Variants in NFATC2 observed in about 807,000 individuals in gnomAD.
NFATC2 encodes nuclear factor of activated T-cells, cytoplasmic 2.
A neutral mutation model predicts 87.3 loss-of-function variants in NFATC2; 22 were observed. That is an observed-to-expected ratio of 0.25 (90% confidence interval 0.18 to 0.36). The LOEUF (loss-of-function observed/expected upper bound fraction) is 0.36. Ranked by LOEUF, NFATC2 falls within the 10% of genes least tolerant of loss-of-function variation. The pLI, the probability that NFATC2 is intolerant of heterozygous loss-of-function variation, is 1.00. For synonymous variants in NFATC2, 565 were observed against 542.2 expected, an observed-to-expected ratio of 1.04 and a Z score of -0.58; for missense variants, 1,149 against 1,259.1, an observed-to-expected ratio of 0.91 and a Z score of 1.32.
chr20:51,402,405 C>A (rs1322259078), intron 9 of NFATC2, among the ~76,000 whole-genome samples: 2 of 151,978 alleles, frequency 1.3e-5, no homozygotes, highest in Non-Finnish European at 2.9e-5. Flanking sequence ...AGTTCATCAC[C>A]ACCTCGGCCC....
intron 6 of NFATC2, among the ~76,000 whole-genome samples, chr20:51,446,822 CG>C (rs1481409791): frequency 6.6e-6 from 1 of 152,174 alleles, no homozygotes; most frequent in African/African-American, 2.4e-5. Context: ...GGCTCCAGCC[CG>C]GGGGGCCACT....
chr20:51,424,565 G>A (rs1464844180), intron 9 of NFATC2, among the ~76,000 whole-genome samples: 1 of 152,122 alleles, frequency 6.6e-6, no homozygotes, highest in East Asian at 1.9e-4. Context: ...TACAAAAGAG[G>A]GCAGTGATGA....
chr20:51,401,054 G>C (rs1267177792), intron 9 of NFATC2, among the ~76,000 whole-genome samples: 1 of 152,166 alleles, frequency 6.6e-6, no homozygotes, highest in Non-Finnish European at 1.5e-5. Context: ...ACACTTCCTT[G>C]GCAAAGTCAC....
chr20:51,467,414 G>A (rs889440463), intron 5 of NFATC2, among the ~76,000 whole-genome samples: 9 of 151,966 alleles, frequency 5.9e-5, no homozygotes, highest in Non-Finnish European at 1.2e-4. Flanking sequence ...AAAATTAGCC[G>A]GGCATGGTGG....
At position 51,391,339 on chromosome 20, in the gene NFATC2, G is replaced by T; in HGVS notation, c.*157C>A. ...CATGAAAGGAGACAGAAGGTGAGGG[G>T]CTGTGGAGGGCTCCGAGGGGTCAGA... On this transcript the variant is annotated 3_prime_UTR_variant, in exon 11 of 11. Coordinates refer to ENST00000371564, the MANE Select transcript of NFATC2 (RefSeq NM_012340.5). 1 of 1,546,454 alleles carries T rather than the reference G, an allele frequency of 6.5e-7. No homozygotes were observed. Among genetic ancestry groups the T allele is most frequent in the East Asian group, 2.2e-5 (1 of 44,612 alleles).
intron 5 of NFATC2, among the ~76,000 whole-genome samples, chr20:51,455,452 T>C (rs1986298799): frequency 6.6e-6 from 1 of 151,416 alleles, no homozygotes; most frequent in Non-Finnish European, 1.5e-5. Context: ...CCCCATCCCC[T>C]CCCAAGAGTT....
chr20:51,535,897 TA>T (rs2146778824), intron 1 of NFATC2, among the ~76,000 whole-genome samples: 1 of 152,278 alleles, frequency 6.6e-6, no homozygotes, highest in South Asian at 2.1e-4. Context: ...AACCTCAGAT[TA>T]CAAGGTCGGG....
intron 3 of NFATC2, among the ~76,000 whole-genome samples, chr20:51,500,626 ACCCCTCCACCCTCACCCTCACCACCCC>A (rs1285287192): frequency 4.2e-5 from 4 of 95,518 alleles, no homozygotes; most frequent in Admixed American, 1.1e-4. Flanking sequence ...GAATGCTCCC[ACCCCTCCACCCTCACCCTCACCACCCC>A]CCCCTCCACC....
rs77971457 is a variant in NFATC2 at position 51,558,485 on chromosome 20, G to C, written c.70+4075C>G. Among the ~76,000 whole-genome samples, 178 of 146,058 alleles carry C rather than the reference G, an allele frequency of 1.2e-3. 1 individual carries two copies. Among genetic ancestry groups the C allele is most frequent in the African/African-American group, 4.6e-3 (174 of 38,054 alleles). On this transcript the variant is annotated intron_variant, in intron 1 of 10. Coordinates refer to the NFATC2 transcript ENST00000414705. ...ATTGGATTTAGGCATTGGTTTTTTTGGGGGGGGGCGAGGTAAATGTTGAAA... is the reference window on the plus strand; with the variant it reads ...ATTGGATTTAGGCATTGGTTTTTTTCGGGGGGGGCGAGGTAAATGTTGAAA...
chr20:51,534,065 G>T lies in NFATC2; in HGVS notation c.130+8305C>A, dbSNP rs181076790. Among the ~76,000 whole-genome samples, 150 of 152,220 alleles carry T rather than the reference G, an allele frequency of 9.9e-4. 1 individual carries two copies. Among genetic ancestry groups the T allele is most frequent in the Non-Finnish European group, 1.9e-3 (131 of 68,010 alleles). On this transcript the variant is annotated intron_variant, in intron 1 of 10. Coordinates refer to ENST00000371564, the MANE Select transcript of NFATC2 (RefSeq NM_012340.5). Reference sequence around the variant, plus strand: ...TCTAATAGCTTATGTCCACTGTGCCGCAAGCTTTCACGTGTACGCTCCCCT... The same window carrying T: ...TCTAATAGCTTATGTCCACTGTGCCTCAAGCTTTCACGTGTACGCTCCCCT...
At position 51,435,349 on chromosome 20, in the gene NFATC2, A is replaced by G. The variant is rs2146352020; in HGVS notation, c.1906-35T>C. The stretch of plus-strand genomic sequence containing the variant: ...AGGAGTTGTCATGAACTTAACTGCA[A>G]TCATGTCTCAGTTCCTACCCAGACC... On this transcript the variant is annotated intron_variant, in intron 7 of 10. Coordinates refer to ENST00000371564, the MANE Select transcript of NFATC2 (RefSeq NM_012340.5). 2.5e-6 allele frequency: 4 copies of G among 1,613,646 alleles called. No individual in the cohort carries two copies. In the East Asian group the frequency reaches 8.9e-5, roughly 36 times the overall value.
chr20:51,424,424 A>G (rs1163443482), intron 9 of NFATC2, among the ~76,000 whole-genome samples: 1 of 152,190 alleles, frequency 6.6e-6, no homozygotes, highest in African/African-American at 2.4e-5. Context: ...GGGGAAGAAG[A>G]GTGATCAGCA....
At chr20:51,552,899 C>A (rs1277454153) in intron 1 of NFATC2, among the ~76,000 whole-genome samples, 1 of 152,046 alleles carries the variant, frequency 6.6e-6, no homozygotes, top group Non-Finnish European at 1.5e-5. Context: ...TGGTTTGCTG[C>A]ACCCATCAAC....
At chr20:51,474,257 T>C (rs2146512428) in intron 4 of NFATC2, 105 bp from the exon 5 acceptor site, 1 of 1,341,494 alleles carries the variant, frequency 7.5e-7, no homozygotes, top group Non-Finnish European at 1.0e-6. Flanking sequence ...GAAACTGCAA[T>C]ACACTCACAT....
At chr20:51,440,197 T>C (rs887566731) in intron 6 of NFATC2, among the ~76,000 whole-genome samples, 1 of 134,520 alleles carries the variant, frequency 7.4e-6, no homozygotes, top group East Asian at 2.3e-4. Flanking sequence ...GAGCATGCCA[T>C]TGCACTCCAG....
chr20:51,496,312 T>C (rs2075987485), intron 3 of NFATC2, among the ~76,000 whole-genome samples: 1 of 152,168 alleles, frequency 6.6e-6, no homozygotes, highest in African/African-American at 2.4e-5. Flanking sequence ...CTTAAAGCCC[T>C]GAGCGTGTCA....
At chr20:51,520,770 C>T (rs1169341401) in intron 2 of NFATC2, among the ~76,000 whole-genome samples, 7 of 152,094 alleles carry the variant, frequency 4.6e-5, no homozygotes, top group Non-Finnish European at 1.0e-4. Context: ...AAGTGATTCT[C>T]CTGCCTCAGC....
upstream of NFATC2, chr20:51,562,726 CGG>C (rs1416871258): frequency 5.6e-6 from 7 of 1,253,220 alleles, no homozygotes; most frequent in Non-Finnish European, 7.8e-6. The surrounding 1 kb of genome is among the most constrained non-coding windows in gnomAD (Gnocchi z 5.8). Context: ...CGCGTGCCCG[CGG>C]GGCTGCCCTG....
At chr20:51,439,091 C>CCCTGCTTTGCTGTGCCCTCAAGG (rs1983976004) in intron 6 of NFATC2, among the ~76,000 whole-genome samples, 1 of 152,200 alleles carries the variant, frequency 6.6e-6, no homozygotes, top group Admixed American at 6.5e-5. Context: ...TCAAGCCCTT[C>CCCTGCTTTGCTGTGCCCTCAAGG]CCTGCTTTGC....
Sources: gnomAD v4.1 joint callset for allele counts (sites outside exome capture counted in the v4.1 genomes callset) on GRCh38, gnomAD v4.1.1 for gene constraint, Gnocchi (gnomAD v3.1) non-coding constraint, MANE v1.5 for transcripts, NCBI Gene and HGNC (gene_info 2026-07-23, HGNC 2026-07-21) for gene names.